The following UBE2E2 variants were observed in gnomAD, a reference collection of about 807,000 sequenced individuals.
UBE2E2 encodes the protein ubiquitin-conjugating enzyme E2 E2.
In UBE2E2, 6 loss-of-function variants were observed where a neutral mutation model predicts 24.7. The observed-to-expected ratio is 0.24, with a 90% CI of 0.13 to 0.48. The LOEUF is 0.48. Ranked by LOEUF, UBE2E2 falls within the 20% of genes least tolerant of loss-of-function variation. The pLI, the probability that UBE2E2 is intolerant of heterozygous loss-of-function variation, is 0.99. For synonymous variants in UBE2E2, 104 were observed against 83.6 expected, an observed-to-expected ratio of 1.24 and a Z score of -1.33; for missense variants, 169 against 245.0, an observed-to-expected ratio of 0.69 and a Z score of 2.07.
At chr3:23,465,187 T>C (rs758426167) in intron 3 of UBE2E2, among the ~76,000 whole-genome samples, 1 of 152,234 alleles carries the variant, frequency 6.6e-6, no homozygotes, top group Non-Finnish European at 1.5e-5. Context: ...AGGTAGGTAA[T>C]GTTAGTAGCT....
chr3:23,260,542 A>G (rs1345496443), intron 3 of UBE2E2, among the ~76,000 whole-genome samples: 2 of 152,140 alleles, frequency 1.3e-5, no homozygotes, highest in Non-Finnish European at 2.9e-5. Flanking sequence ...TGGCCTGTAC[A>G]TGGTTTACTC....
chr3:23,362,361 G>A (rs899548602), intron 3 of UBE2E2, among the ~76,000 whole-genome samples: 1 of 152,118 alleles, frequency 6.6e-6, no homozygotes, highest in African/African-American at 2.4e-5. Context: ...TTTTGTGTGG[G>A]GGCAACTCTC....
intron 4 of UBE2E2, among the ~76,000 whole-genome samples, chr3:23,522,148 T>TTTTGGCA (rs58369100): frequency 3.5e-5 from 4 of 115,164 alleles, no homozygotes; most frequent in Admixed American, 8.4e-5. Context: ...TTTTTTTTTT[T>TTTTGGCA]GAGGCAGAGT....
chr3:23,568,616 CACACATAT>C (rs1275923387), intron 5 of UBE2E2, among the ~76,000 whole-genome samples: 1 of 1,382 alleles, frequency 7.2e-4, no homozygotes, highest in South Asian at 0.071. Context: ...CATATATACA[CACACATAT>C]ATATATGTAT....
At chr3:23,360,317 G>A (rs75136586) in intron 3 of UBE2E2, among the ~76,000 whole-genome samples, 6,184 of 152,086 alleles carry the variant, frequency 0.041, 436 homozygotes, top group African/African-American at 0.14. Flanking sequence ...AAAAAAGTGA[G>A]TCCTTTCTCC....
intron 3 of UBE2E2, among the ~76,000 whole-genome samples, chr3:23,446,892 T>A (rs990733082): frequency 6.6e-6 from 1 of 151,982 alleles, no homozygotes; most frequent in African/African-American, 2.4e-5. Context: ...GTGCTGGCAT[T>A]TCAGGTCCCC....
intron 5 of UBE2E2, among the ~76,000 whole-genome samples, chr3:23,534,864 C>G (rs113126737): frequency 1.3e-5 from 2 of 152,116 alleles, no homozygotes; most frequent in African/African-American, 4.8e-5. Context: ...TATTTTAACC[C>G]GGAAATGCTG....
chr3:23,357,157 C>T (rs1695979427), intron 3 of UBE2E2, among the ~76,000 whole-genome samples: 1 of 152,154 alleles, frequency 6.6e-6, no homozygotes. Flanking sequence ...AAATACAACC[C>T]TTGCATGGGC....
At chr3:23,239,227 A>G (rs1697194658) in intron 3 of UBE2E2, among the ~76,000 whole-genome samples, 1 of 152,076 alleles carries the variant, frequency 6.6e-6, no homozygotes, top group Admixed American at 6.6e-5. Context: ...AGGTAATAGG[A>G]CTCTTGTCTC....
intron 3 of UBE2E2, among the ~76,000 whole-genome samples, chr3:23,362,375 T>A (rs1183904413): frequency 6.6e-6 from 1 of 152,010 alleles, no homozygotes; most frequent in Non-Finnish European, 1.5e-5. Flanking sequence ...AACTCTCGAG[T>A]CCAAGGAGAC....
intron 3 of UBE2E2, chr3:23,270,953 G>A (rs1175131186): frequency 2.2e-5 from 10 of 456,622 alleles, no homozygotes; most frequent in Admixed American, 1.6e-4. Context: ...TTAACAGGCT[G>A]TTCCTGATTC....
At position 23,496,466 on chromosome 3, in the gene UBE2E2, C is replaced by G. The variant is rs567070725; in HGVS notation, c.228-3142C>G. Reference sequence around the variant, plus strand: ...TTTTCTTACTGGTTTTCTTTTCTTACCTCATATTTATGTGTCCCTCAGTAG... The same window carrying G: ...TTTTCTTACTGGTTTTCTTTTCTTAGCTCATATTTATGTGTCCCTCAGTAG... On this transcript the variant is annotated intron_variant, in intron 3 of 5. Transcript: ENST00000396703. Among the ~76,000 whole-genome samples, 7 of 152,124 alleles carry G rather than the reference C, an allele frequency of 4.6e-5. No individual in the cohort carries two copies. In the East Asian group the frequency reaches 1.3e-3, roughly 29 times the overall value.
At chr3:23,303,744 A>C (rs879930121) in intron 3 of UBE2E2, among the ~76,000 whole-genome samples, 9 of 142,448 alleles carry the variant, frequency 6.3e-5, no homozygotes, top group African/African-American at 1.5e-4. Context: ...AAGGTTTACA[A>C]CAAGTTACTA....
At chr3:23,525,934 A>G (rs1470513003) in intron 4 of UBE2E2, among the ~76,000 whole-genome samples, 4 of 152,198 alleles carry the variant, frequency 2.6e-5, no homozygotes, top group African/African-American at 2.4e-5. Flanking sequence ...TATTCAAAAC[A>G]TTATTTCCTA....
rs564731874 is a variant in UBE2E2 at position 23,361,437 on chromosome 3, G to A, written c.228-138171G>A. On this transcript the variant is annotated intron_variant, in intron 3 of 5. Coordinates refer to ENST00000396703, the MANE Select transcript of UBE2E2 (RefSeq NM_152653.4). ...AGTTATGGAACCAAGCTAAGTGCCC[G>A]TTGACCAATGAGTGGTTAAAGAAAA... Among the ~76,000 whole-genome samples, 27 of 152,278 alleles carry A rather than the reference G, an allele frequency of 1.8e-4. No homozygotes were observed. In the South Asian group the frequency reaches 3.3e-3, roughly 19 times the overall value.
At chr3:23,570,124 A>G (rs1019838719) in intron 5 of UBE2E2, among the ~76,000 whole-genome samples, 1 of 152,124 alleles carries the variant, frequency 6.6e-6, no homozygotes, top group Non-Finnish European at 1.5e-5. Context: ...TACTCCATCA[A>G]AATGCGAGGA....
intron 3 of UBE2E2, among the ~76,000 whole-genome samples, chr3:23,223,194 ATT>A (rs35538160): frequency 1.8e-4 from 22 of 122,740 alleles, no homozygotes; most frequent in Admixed American, 1.7e-4. Flanking sequence ...TGATTTTTGT[ATT>A]TTTTTTTTTT....
chr3:23,554,100 A>C (rs1040342884), intron 5 of UBE2E2, among the ~76,000 whole-genome samples: 11 of 152,110 alleles, frequency 7.2e-5, no homozygotes, highest in Non-Finnish European at 1.3e-4. Flanking sequence ...GGTGGGGTTG[A>C]GGGGGGAAGA....
chr3:23,578,009 GAAAAA>G (rs58612058), intron 5 of UBE2E2, among the ~76,000 whole-genome samples: 3 of 103,264 alleles, frequency 2.9e-5, no homozygotes, highest in Non-Finnish European at 6.4e-5. Context: ...CTACCTCTCA[GAAAAA>G]AAAAAAAAAA....
Sources: allele counts gnomAD v4.1 joint callset (sites outside exome capture counted in the v4.1 genomes callset), GRCh38; gene constraint gnomAD v4.1.1; transcripts MANE v1.5; gene names NCBI Gene and HGNC (gene_info 2026-07-23, HGNC 2026-07-21).